SIGLEC12: variants seen among roughly 807,000 people sequenced by gnomAD.
SIGLEC12 encodes the protein sialic acid binding Ig like lectin 12.
In SIGLEC12, 43 loss-of-function variants were observed where a neutral mutation model predicts 54.1. The observed-to-expected ratio is 0.80, with a 90% CI of 0.62 to 1.03. SIGLEC12 has a LOEUF of 1.03. Among genes scored for constraint, SIGLEC12 ranks in the 50% least tolerant of loss-of-function variants. The probability of loss-of-function intolerance (pLI) is 0.00; values close to 1 mark genes in which losing one functional copy is unlikely to be tolerated. For synonymous variants in SIGLEC12, 357 were observed against 307.6 expected (o/e 1.16, Z -1.68); for missense variants, 802 against 735.2 (o/e 1.09, Z -1.05).
chr19:51,498,674 G>T (rs760113069), intron 4 of SIGLEC12, among the ~76,000 whole-genome samples: 2 of 152,166 alleles, frequency 1.3e-5, no homozygotes, highest in Admixed American at 6.5e-5. Context: ...ATGACACACA[G>T]CCCTAGAGGA....
At chr19:51,500,474 G>T in intron 1 of SIGLEC12, 174 bp from the exon 2 acceptor site, 1 of 1,150,620 alleles carries the variant, frequency 8.7e-7, no homozygotes, top group Non-Finnish European at 1.3e-6. Flanking sequence ...AGAGGAGCTG[G>T]AGACCTCAGC....
In SIGLEC12 at chr19:51,498,041, A is replaced by G. The variant is rs773153661; in HGVS notation, c.1382T>C (p.Leu461Pro). 6 of 1,614,118 alleles carry G rather than the reference A, an allele frequency of 3.7e-6. No individual in the cohort carries two copies. The highest frequency in any genetic ancestry group is 3.4e-6 in the Non-Finnish European group (4 of 1,180,014). The change falls in exon 5 of 8, where the codon CTC (leucine) becomes CCC (proline). Residue 461 changes from leucine to proline, a missense_variant. Transcript: ENST00000291707. ...ACCTGTGTACTCGTTTTGCAGGGAG[A>G]GGCTCAGGGAAATGTGCTGGGAGCC... The part of the protein sequence containing the change: ...PLGSQHISLS[L>P]SLQNEYTGKM...
rs770087328 is a variant in SIGLEC12 at position 51,499,487 on chromosome 19, C to T, written c.1038G>A (p.Leu346=). The part of the protein sequence containing the change: ...HGTSLTCQVT[L]PGAGVTMTRA... ...TGGTCATGGTCACGCCGGCCCCAGGCAAGGTCACCTGACAGGTGAGGCTGG... is the reference window on the plus strand; with the variant it reads ...TGGTCATGGTCACGCCGGCCCCAGGTAAGGTCACCTGACAGGTGAGGCTGG... Residue 346 remains leucine (L), a synonymous_variant, in exon 3 of 8, where the codon TTG becomes TTA. Coordinates refer to ENST00000291707, the MANE Select transcript of SIGLEC12 (RefSeq NM_053003.4). The T allele has an allele frequency of 6.2e-7, 1 of 1,606,428 alleles. No individual in the cohort carries two copies. Among genetic ancestry groups the T allele is most frequent in the Non-Finnish European group, 8.5e-7 (1 of 1,176,740 alleles).
rs1990287982 is a variant in SIGLEC12 at position 51,498,058 on chromosome 19, C to T, written c.1365G>A (p.Gln455=). The T allele has an allele frequency of 6.2e-7, 1 of 1,614,120 alleles. No homozygotes were observed. Among genetic ancestry groups the T allele is most frequent in the Admixed American group, 1.7e-5 (1 of 60,008 alleles). Residue 455 remains glutamine (Q), a synonymous_variant, in exon 5 of 8, where the codon CAG becomes CAA. Transcript: ENST00000291707. ...GCAGGGAGAGGCTCAGGGAAATGTG[C>T]TGGGAGCCTAGAGGGTTCTGAGCTC... ...TCRAQNPLGS[Q]HISLSLSLQN... is the part of the protein sequence containing the mutation.
Position 51,497,346 on chromosome 19 carries a change from C to G in SIGLEC12, c.1502+3G>C. ...GCTCTTCCTCCCCAGGGTCAATGCT[C>G]ACACAACGAAGATGATGCAGAAGTA... is the stretch of plus-strand genomic sequence containing the variant. On this transcript the variant is annotated splice_donor_region_variant and intron_variant, in intron 6 of 7. Coordinates refer to ENST00000291707, the MANE Select transcript of SIGLEC12 (RefSeq NM_053003.4). 6.2e-7 allele frequency: 1 copy of G among 1,612,576 alleles called. No homozygotes were observed. The highest frequency in any genetic ancestry group is 8.5e-7 in the Non-Finnish European group (1 of 1,178,762).
At chr19:51,498,461 C>G (rs1199001635) in intron 4 of SIGLEC12, among the ~76,000 whole-genome samples, 174 bp from the exon 5 acceptor site, 1 of 152,218 alleles carries the variant, frequency 6.6e-6, no homozygotes, top group Non-Finnish European at 1.5e-5. Context: ...TTAATTAGAA[C>G]AATTTCACTC....
At chr19:51,491,976 C>T in intron 7 of SIGLEC12, 147 bp from the exon 8 acceptor site, 1 of 550,676 alleles carries the variant, frequency 1.8e-6, no homozygotes, top group Non-Finnish European at 3.1e-6. Context: ...CCTCTAATGT[C>T]TAATACTCAA....
chr19:51,492,381 A>G (rs1196307001), intron 7 of SIGLEC12, among the ~76,000 whole-genome samples: 1 of 152,246 alleles, frequency 6.6e-6, no homozygotes, highest in African/African-American at 2.4e-5. Context: ...CAGGGCCTTG[A>G]TTCAGACGTG....
At chr19:51,499,834 C>A in intron 2 of SIGLEC12, 86 bp downstream of exon 2, 1 of 1,551,828 alleles carries the variant, frequency 6.4e-7, no homozygotes. Flanking sequence ...ACCTCCAACT[C>A]CCTCCCAGGA....
intron 4 of SIGLEC12, among the ~76,000 whole-genome samples, chr19:51,498,607 G>A (rs1990306553): frequency 6.6e-6 from 1 of 152,168 alleles, no homozygotes; most frequent in Admixed American, 6.6e-5. Flanking sequence ...GATAAAATTA[G>A]TGCCATGATC....
Position 51,497,931 on chromosome 19 carries a change from T to A in SIGLEC12, c.1405+87A>T, listed in dbSNP as rs1024114949. ...TGGCAGCAAGAGGACTGTGATGCTG[T>A]GGGTTGCAGGGAAATTCCAGGTCTC... On this transcript the variant is annotated intron_variant, in intron 5 of 7. Coordinates refer to ENST00000291707, the MANE Select transcript of SIGLEC12 (RefSeq NM_053003.4). 18 of 1,554,284 alleles carry A rather than the reference T, an allele frequency of 1.2e-5. No homozygotes were observed. In the African/African-American group the frequency reaches 2.0e-4, roughly 18 times the overall value.
intron 3 of SIGLEC12, 46 bp from the exon 4 acceptor site, chr19:51,499,263 A>G: frequency 3.1e-6 from 5 of 1,605,844 alleles, no homozygotes; most frequent in Non-Finnish European, 4.3e-6. Flanking sequence ...AGGACTGGGG[A>G]CACTGACCCT....
In SIGLEC12 at chr19:51,500,038, G is replaced by C; in HGVS notation, c.690C>G (p.Asn230Lys). Residue 230 changes from asparagine (N) to lysine (K), a missense_variant, in exon 2 of 8, where the codon AAC (asparagine) becomes AAG (lysine). Asn to Lys is a moderately conservative substitution (Grantham distance 94, BLOSUM62 0). Transcript: ENST00000291707. ...TGGCATCTCTGATGCTCAGGGAGCA[G>C]TTGTTGGTCTGTGGGTCCCCAAGGA... ...FLLLGDPQTNNCSLSIRDARK... is the reference protein window; with the variant it reads ...FLLLGDPQTNKCSLSIRDARK... The C allele has an allele frequency of 6.2e-7, 1 of 1,614,190 alleles. No homozygotes were observed. The highest frequency in any genetic ancestry group is 8.5e-7 in the Non-Finnish European group (1 of 1,180,022).
intron 1 of SIGLEC12, among the ~76,000 whole-genome samples, chr19:51,500,736 G>A (rs1023813688): frequency 3.3e-5 from 5 of 151,458 alleles, no homozygotes; most frequent in Non-Finnish European, 7.4e-5. Flanking sequence ...GTGGATCTCC[G>A]AGGACCTCGG....
chr19:51,497,226 G>T, intron 6 of SIGLEC12, 123 bp downstream of exon 6: 1 of 956,976 alleles, frequency 1.0e-6, no homozygotes, highest in Non-Finnish European at 1.6e-6. Flanking sequence ...ATGCACCCAT[G>T]ACCTCATTCT....
At chr19:51,495,246 T>TGGAC (rs1990199282) in intron 7 of SIGLEC12, among the ~76,000 whole-genome samples, 4 of 87,804 alleles carry the variant, frequency 4.6e-5, no homozygotes, top group Non-Finnish European at 9.9e-5. Flanking sequence ...GATGGATGGA[T>TGGAC]GGACGGGTGG....
In SIGLEC12 at chr19:51,497,329, T is replaced by A. The variant is rs1990268394; in HGVS notation, c.1502+20A>T. The A allele has an allele frequency of 6.2e-7, 1 of 1,604,526 alleles. No homozygotes were observed. The highest frequency in any genetic ancestry group is 1.7e-5 in the Admixed American group (1 of 59,566). ...GCCTGCCCTCCCCCAAGGCTCTTCC[T>A]CCCCAGGGTCAATGCTCACACAACG... On this transcript the variant is annotated intron_variant, in intron 6 of 7. Transcript: ENST00000291707.
rs774873541 is a variant in SIGLEC12, at chr19:51,501,764, G to A, written c.-31C>T. 3.8e-6 allele frequency: 6 copies of A among 1,558,912 alleles called. No individual in the cohort carries two copies. Among genetic ancestry groups the A allele is most frequent in the Non-Finnish European group, 4.3e-6 (5 of 1,150,382 alleles). Reference sequence around the variant, plus strand: ...GGGTTGGAGGTGCCAGGGTTGCTGAGGTAAGTCTGTTCCTCAGGGTTCTTC... The same window carrying A: ...GGGTTGGAGGTGCCAGGGTTGCTGAAGTAAGTCTGTTCCTCAGGGTTCTTC... On this transcript the variant is annotated 5_prime_UTR_variant, in exon 1 of 8. Transcript: ENST00000291707.
chr19:51,496,806 G>A (rs1439890162), intron 7 of SIGLEC12, 74 bp downstream of exon 7: 1 of 1,512,116 alleles, frequency 6.6e-7, no homozygotes, highest in Non-Finnish European at 9.2e-7. Flanking sequence ...GAAGGACAGT[G>A]AGGAAGTAAT....
Sources: gnomAD v4.1 joint callset for allele counts (sites outside exome capture counted in the v4.1 genomes callset) on GRCh38, gnomAD v4.1.1 for gene constraint, MANE v1.5 for transcripts, NCBI Gene and HGNC (gene_info 2026-07-23, HGNC 2026-07-21) for gene names.